MEI4: variants seen among roughly 807,000 people sequenced by gnomAD.
MEI4 encodes meiotic double-stranded break formation protein 4.
Under a neutral mutation model 31.4 loss-of-function variants are expected in MEI4, and 27 were observed. The observed-to-expected ratio is 0.86, with a 90% CI of 0.63 to 1.19. The LOEUF is 1.19. Among genes scored for constraint, MEI4 ranks in the 50% most tolerant of loss-of-function variants. The pLI is 0.00. For missense variants in MEI4, 329 were observed against 398.9 expected, an observed-to-expected ratio of 0.82 and a Z score of 1.49; for synonymous variants, 122 against 145.4, an observed-to-expected ratio of 0.84 and a Z score of 1.16.
At chr6:77,828,872 G>A (rs1770015934) in intron 3 of MEI4, 59 bp from the exon 4 acceptor site, 1 of 1,206,616 alleles carries the variant, frequency 8.3e-7, no homozygotes, top group African/African-American at 1.6e-5. Context: ...TAAGGTCTTA[G>A]AAAATACATT....
At chr6:77,747,416 C>A (rs950029871) in intron 2 of MEI4, among the ~76,000 whole-genome samples, 1 of 152,100 alleles carries the variant, frequency 6.6e-6, no homozygotes, top group Non-Finnish European at 1.5e-5. Flanking sequence ...AGGGAGCCCT[C>A]AGGAAACGCA....
intron 4 of MEI4, among the ~76,000 whole-genome samples, chr6:77,916,999 C>A (rs1448358360): frequency 6.6e-6 from 1 of 150,526 alleles, no homozygotes; most frequent in Non-Finnish European, 1.5e-5. Flanking sequence ...CAATTCCCAC[C>A]TATGAGTGAG....
At chr6:77,905,513 T>G (rs1328075910) in intron 4 of MEI4, among the ~76,000 whole-genome samples, 3 of 85,618 alleles carry the variant, frequency 3.5e-5, no homozygotes, top group East Asian at 3.6e-4. Flanking sequence ...TTTTTTTTTT[T>G]TGTGGCAGAG....
intron 1 of MEI4, among the ~76,000 whole-genome samples, chr6:77,665,394 G>T (rs975037480): frequency 3.3e-5 from 5 of 151,786 alleles, no homozygotes; most frequent in Non-Finnish European, 7.4e-5. Flanking sequence ...AGGAGAAGGG[G>T]TTGAGGGGTA....
At chr6:77,776,029 A>G (rs1322653732) in intron 3 of MEI4, among the ~76,000 whole-genome samples, 2 of 151,156 alleles carry the variant, frequency 1.3e-5, no homozygotes, top group South Asian at 2.1e-4. Context: ...CCACTTTTTG[A>G]TGGGATTTTT....
At chr6:77,817,847 A>C (rs1473057701) in intron 3 of MEI4, among the ~76,000 whole-genome samples, 1 of 152,114 alleles carries the variant, frequency 6.6e-6, no homozygotes, top group African/African-American at 2.4e-5. Flanking sequence ...GAGAGATTTC[A>C]TATTTCCTGT....
intron 4 of MEI4, among the ~76,000 whole-genome samples, chr6:77,854,823 G>A (rs1488602892): frequency 6.6e-6 from 1 of 152,062 alleles, no homozygotes; most frequent in Admixed American, 6.6e-5. Flanking sequence ...CAACCGTCTG[G>A]TATAGGTATC....
intron 2 of MEI4, among the ~76,000 whole-genome samples, chr6:77,715,159 G>A (rs1302829761): frequency 6.6e-6 from 1 of 151,808 alleles, no homozygotes; most frequent in East Asian, 1.9e-4. Flanking sequence ...ATTCTCTTCT[G>A]GAAAAAAAAT....
At chr6:77,869,611 G>T (rs1291826138) in intron 4 of MEI4, among the ~76,000 whole-genome samples, 1 of 152,082 alleles carries the variant, frequency 6.6e-6, no homozygotes, top group Non-Finnish European at 1.5e-5. Context: ...CCAGTCTCTA[G>T]AACTGTGAGA....
At chr6:77,694,176 A>G (rs1172880192) in intron 2 of MEI4, among the ~76,000 whole-genome samples, 4 of 152,016 alleles carry the variant, frequency 2.6e-5, no homozygotes, top group Non-Finnish European at 1.5e-5. Flanking sequence ...GTTATGCTAA[A>G]CATTATTTGT....
chr6:77,867,553 G>A lies in MEI4; in HGVS notation c.900+38491G>A, dbSNP rs373405825. On this transcript the variant is annotated intron_variant, in intron 4 of 4. Coordinates refer to ENST00000684080, the MANE Select transcript of MEI4 (RefSeq NM_001322247.2). ...CTCCAGTTAGAATGGCAATCATTAA[G>A]AAGTCAGGAAACAACAGGTGCTGGA... 3.3e-5 allele frequency among the ~76,000 whole-genome samples: 5 copies of A among 152,176 alleles called. No individual in the cohort carries two copies. The South Asian group carries it at 1.0e-3, about 32-fold the overall frequency.
At chr6:77,794,206 T>C (rs1469292170) in intron 3 of MEI4, among the ~76,000 whole-genome samples, 1 of 152,050 alleles carries the variant, frequency 6.6e-6, no homozygotes, top group Non-Finnish European at 1.5e-5. Context: ...GACACAAAAA[T>C]TCACTGTATA....
intron 2 of MEI4, among the ~76,000 whole-genome samples, chr6:77,696,947 T>A (rs1281144753): frequency 6.6e-6 from 1 of 152,202 alleles, no homozygotes; most frequent in Non-Finnish European, 1.5e-5. Flanking sequence ...TTTCAGAGCC[T>A]GTTATTGGTC....
chr6:77,650,515 G>T (rs1768280856), upstream of MEI4, among the ~76,000 whole-genome samples: 4 of 152,188 alleles, frequency 2.6e-5, 1 homozygote, highest in African/African-American at 9.6e-5. Context: ...GGCGCAGAGC[G>T]CCTGCTCCAG....
intron 2 of MEI4, among the ~76,000 whole-genome samples, chr6:77,745,673 T>G (rs570881164): frequency 1.4e-3 from 208 of 152,254 alleles, no homozygotes; most frequent in African/African-American, 4.4e-3. Context: ...ATACATTTTT[T>G]TCAGCACCAC....
At chr6:77,848,665 C>A (rs1278376545) in intron 4 of MEI4, among the ~76,000 whole-genome samples, 2 of 152,076 alleles carry the variant, frequency 1.3e-5, no homozygotes, top group East Asian at 3.9e-4. Flanking sequence ...AGATTGCCAA[C>A]CTCTAAACTA....
rs182211659 is a variant in MEI4, at chr6:77,882,905, A to C, written c.901-40184A>C. On this transcript the variant is annotated intron_variant, in intron 4 of 4. Coordinates refer to ENST00000684080, the MANE Select transcript of MEI4 (RefSeq NM_001322247.2). ...GTAAAATTTATTAAAATCTCAGACT[A>C]AAATTAAGAAAAAATACAAGTACTT... 4.9e-4 allele frequency among the ~76,000 whole-genome samples: 74 copies of C among 152,356 alleles called. 1 individual carries two copies. In the East Asian group the frequency reaches 0.014, roughly 28 times the overall value.
intron 1 of MEI4, among the ~76,000 whole-genome samples, chr6:77,653,996 C>A (rs1768343746): frequency 6.6e-6 from 1 of 152,062 alleles, no homozygotes; most frequent in Admixed American, 6.5e-5. Context: ...AATATTTATT[C>A]AATAGAGTAA....
At chr6:77,827,360 TA>T (rs57446339) in intron 3 of MEI4, among the ~76,000 whole-genome samples, 24,158 of 67,536 alleles carry the variant, frequency 0.36, 3,223 homozygotes, top group African/African-American at 0.4. Context: ...GACTCCATCT[TA>T]AAAAAAAAAA....
Sources: allele counts gnomAD v4.1 joint callset (sites outside exome capture counted in the v4.1 genomes callset), GRCh38; gene constraint gnomAD v4.1.1; transcripts MANE v1.5; gene names NCBI Gene and HGNC (gene_info 2026-07-23, HGNC 2026-07-21).